ZFP64: variants seen among roughly 807,000 people sequenced by gnomAD.
ZFP64 encodes the protein ZFP64 zinc finger protein, also known as zinc finger protein 64.
A neutral mutation model predicts 51.6 loss-of-function variants in ZFP64; 14 were observed. That is an observed-to-expected ratio of 0.27 (90% CI 0.18 to 0.42). ZFP64 has a LOEUF of 0.42. Among genes scored for constraint, ZFP64 ranks in the 10% least tolerant of loss-of-function variants. The pLI is 1.00. For missense variants in ZFP64, 754 were observed against 906.8 expected, an observed-to-expected ratio of 0.83 and a Z score of 2.16; for synonymous variants, 375 against 361.4, an observed-to-expected ratio of 1.04 and a Z score of -0.43.
intron 2 of ZFP64, among the ~76,000 whole-genome samples, chr20:52,168,612 T>A (rs1982471674): frequency 6.6e-6 from 1 of 152,114 alleles, no homozygotes; most frequent in Non-Finnish European, 1.5e-5. Flanking sequence ...TTTCCACCTA[T>A]CTTGGCAGTA....
intron 7 of ZFP64, among the ~76,000 whole-genome samples, chr20:52,094,843 G>A (rs962646506): frequency 6.6e-6 from 1 of 152,134 alleles, no homozygotes; most frequent in African/African-American, 2.4e-5. Context: ...CTAGCTTTCT[G>A]AGCTTGGTTT....
At chr20:52,090,559 G>C (rs1337592109) in intron 7 of ZFP64, among the ~76,000 whole-genome samples, 1 of 152,024 alleles carries the variant, frequency 6.6e-6, no homozygotes. Flanking sequence ...CCAGCACTTT[G>C]GGGGGCCAAG....
chr20:52,131,504 G>A (rs188085007), intron 5 of ZFP64, among the ~76,000 whole-genome samples: 34 of 152,060 alleles, frequency 2.2e-4, no homozygotes, highest in African/African-American at 7.7e-4. Flanking sequence ...ACACACATAG[G>A]CTAAAAATAA....
At chr20:52,088,532 C>T (rs1442555421) in exon 8 of ZFP64, 15 of 1,614,204 alleles carry the variant, frequency 9.3e-6, no homozygotes, top group Non-Finnish European at 1.2e-5. Flanking sequence ...AGCGTAGTCA[C>T]ACAGGTGACA....
chr20:52,181,086 G>A (rs1260868826), intron 2 of ZFP64, among the ~76,000 whole-genome samples: 5 of 152,074 alleles, frequency 3.3e-5, no homozygotes, highest in Admixed American at 6.5e-5. Context: ...GGGATTACAG[G>A]CACCTGCCAC....
chr20:52,154,377 C>G (rs1363120325), intron 5 of ZFP64, among the ~76,000 whole-genome samples: 3 of 152,134 alleles, frequency 2.0e-5, no homozygotes, highest in Admixed American at 6.5e-5. Flanking sequence ...GAGACCCAGA[C>G]AGACTACATA....
At chr20:52,158,007 T>C (rs969591219) in intron 5 of ZFP64, among the ~76,000 whole-genome samples, 1 of 152,252 alleles carries the variant, frequency 6.6e-6, no homozygotes. Context: ...ACTCAACCTT[T>C]TTTATGGCTG....
chr20:52,085,303 G>A lies in ZFP64; in HGVS notation c.1229-37C>T, dbSNP rs1191558221. The A allele has an allele frequency of 1.0e-5, 16 of 1,556,852 alleles. No individual in the cohort carries two copies. Among genetic ancestry groups the A allele is most frequent in the Non-Finnish European group, 2.6e-6 (3 of 1,148,396 alleles). On this transcript the variant is annotated intron_variant, in intron 8 of 8. Coordinates refer to the ZFP64 transcript ENST00000361387. The surrounding 1 kb of genome is among the most constrained non-coding windows in gnomAD (Gnocchi z 4.3). ...AGGTGTGTTTCCATTAGAACAGGCA[G>A]GCAAAACAGACCCTCCCACCCCAAC... is the stretch of plus-strand genomic sequence containing the variant.
chr20:52,148,768 C>T (rs949004616), downstream of ZFP64, among the ~76,000 whole-genome samples: 2 of 151,152 alleles, frequency 1.3e-5, no homozygotes, highest in Non-Finnish European at 2.9e-5. Context: ...AATAAGCAAG[C>T]AGTAAAAACA....
intron 4 of ZFP64, among the ~76,000 whole-genome samples, chr20:52,162,733 C>G (rs115585486): frequency 0.019 from 2,900 of 152,272 alleles, 86 homozygotes; most frequent in African/African-American, 0.067. Context: ...CTCAGTAGTT[C>G]CTGCGGTCAC....
At chr20:52,154,971 C>A (rs1042163677) in intron 5 of ZFP64, among the ~76,000 whole-genome samples, 6 of 152,184 alleles carry the variant, frequency 3.9e-5, no homozygotes, top group African/African-American at 1.4e-4. Flanking sequence ...ATGCCATTAC[C>A]CCTTTTTGGC....
At position 52,153,575 on chromosome 20, in the gene ZFP64, G is replaced by A. The variant is rs1981063395; in HGVS notation, c.764-147C>T. 1.6e-6 allele frequency: 2 copies of A among 1,263,966 alleles called. No homozygotes were observed. The highest frequency in any genetic ancestry group is 2.6e-5 in the East Asian group (1 of 38,946). The allele number at this position is 1,263,966 out of a possible 1,614,324, so 78.3% of individuals were successfully genotyped here. A position where few individuals can be genotyped will look rare whatever the true frequency, so the allele number is the denominator to read the frequency against. On this transcript the variant is annotated intron_variant, in intron 5 of 5. Coordinates refer to ENST00000216923, the MANE Select transcript of ZFP64 (RefSeq NM_018197.3). This position sits in a 1 kb window ranked among gnomAD's most constrained non-coding sequence, Gnocchi z 5.1. ...CTTCTAGCAGCCCCTGGCAGTGGGG[G>A]AAGAGGGGCAGGGCGTCTTTATCTT...
chr20:52,099,914 C>T (rs1432349811), intron 5 of ZFP64, among the ~76,000 whole-genome samples: 1 of 152,162 alleles, frequency 6.6e-6, no homozygotes, highest in East Asian at 1.9e-4. Flanking sequence ...ATTCCTACAG[C>T]AAAGATTAAG....
intron 5 of ZFP64, among the ~76,000 whole-genome samples, chr20:52,126,338 A>G (rs548495977): frequency 1.3e-5 from 2 of 152,202 alleles, no homozygotes; most frequent in Non-Finnish European, 2.9e-5. Context: ...GAAGATGTGG[A>G]GCTGGAATTT....
Position 52,160,134 on chromosome 20 carries a change from C to T in ZFP64, c.752G>A (p.Arg251Gln), listed in dbSNP as rs1981656327. 1 of 1,613,964 alleles carries T rather than the reference C, an allele frequency of 6.2e-7. No individual in the cohort carries two copies. The highest frequency in any genetic ancestry group is 8.5e-7 in the Non-Finnish European group (1 of 1,179,994). The change falls in exon 5 of 6, where the codon CGA becomes CAA. Residue 251 changes from arginine (R) to glutamine (Q), a missense_variant. Arg to Gln is a conservative substitution (Grantham distance 43). Coordinates refer to ENST00000216923, the MANE Select transcript of ZFP64 (RefSeq NM_018197.3). The surrounding 1 kb of genome is among the most constrained non-coding windows in gnomAD (Gnocchi z 4.2). Reference sequence around the variant, plus strand: ...CAGGCAGGACTCACCCGTGTGGGATCGCAGGTGGACAGTGAGCTGGCTGGA... The same window carrying T: ...CAGGCAGGACTCACCCGTGTGGGATTGCAGGTGGACAGTGAGCTGGCTGGA... ...RNSSQLTVHL[R>Q]SHTGDAPFQC... is the part of the protein sequence containing the mutation.
At chr20:52,112,097 AAAAC>A (rs1978623307) in intron 5 of ZFP64, among the ~76,000 whole-genome samples, 2 of 139,574 alleles carry the variant, frequency 1.4e-5, no homozygotes, top group Admixed American at 7.5e-5. Flanking sequence ...AAAAAAAAAA[AAAAC>A]AAAAAAAAAA....
chr20:52,176,658 C>T (rs6013412), intron 2 of ZFP64, among the ~76,000 whole-genome samples: 3,280 of 151,532 alleles, frequency 0.022, 108 homozygotes, highest in African/African-American at 0.076. Context: ...TACAGGCGCC[C>T]GCCACCGCGC....
intron 5 of ZFP64, among the ~76,000 whole-genome samples, chr20:52,103,809 G>A (rs111659527): frequency 0.02 from 3,122 of 152,308 alleles, 98 homozygotes; most frequent in African/African-American, 0.071. Context: ...GAGGGTGGTT[G>A]TACTATCCTG....
intron 5 of ZFP64, among the ~76,000 whole-genome samples, chr20:52,110,138 A>G (rs1978481477): frequency 6.6e-6 from 1 of 152,176 alleles, no homozygotes; most frequent in Non-Finnish European, 1.5e-5. Context: ...CCACCTGAGA[A>G]GTGCTCCAGC....
Sources: gnomAD v4.1 joint callset for allele counts (sites outside exome capture counted in the v4.1 genomes callset) on GRCh38, gnomAD v4.1.1 for gene constraint, Gnocchi (gnomAD v3.1) non-coding constraint, MANE v1.5 for transcripts, NCBI Gene and HGNC (gene_info 2026-07-23, HGNC 2026-07-21) for gene names.